The following PREX1 variants were observed in gnomAD, a reference collection of about 807,000 sequenced individuals.
The protein encoded by PREX1 is phosphatidylinositol-3,4,5-trisphosphate dependent Rac exchange factor 1, also known as phosphatidylinositol 3,4,5-trisphosphate-dependent Rac exchanger 1 protein.
In PREX1, 41 loss-of-function variants were observed where a neutral mutation model predicts 198.3. The ratio of observed to expected loss-of-function variants is 0.21; its 90% CI spans 0.16 to 0.27. The LOEUF (loss-of-function observed/expected upper bound fraction) is 0.27. PREX1 is among the 10% of genes least tolerant of loss of function. The pLI, the probability that PREX1 is intolerant of heterozygous loss-of-function variation, is 1.00. For missense variants in PREX1, 1,620 were observed against 2,200.7 expected, an observed-to-expected ratio of 0.74 and a Z score of 5.28; for synonymous variants, 843 against 887.2, an observed-to-expected ratio of 0.95 and a Z score of 0.89.
chr20:48,879,723 T>C, the PREX1 span, among the ~76,000 whole-genome samples: 1 of 152,238 alleles, frequency 6.6e-6, no homozygotes, highest in Non-Finnish European at 1.5e-5. Context: ...TTGATAACTA[T>C]GTAACCTCTT....
chr20:48,800,403 T>C (rs2090381237), intron 1 of PREX1, among the ~76,000 whole-genome samples: 1 of 152,160 alleles, frequency 6.6e-6, no homozygotes, highest in Non-Finnish European at 1.5e-5. Flanking sequence ...ACTGGGGCAG[T>C]TGGTCACTCT....
At chr20:48,828,195 C>G (rs1486289318), upstream of PREX1, among the ~76,000 whole-genome samples, 4 of 151,094 alleles carry the variant, frequency 2.6e-5, no homozygotes, top group Non-Finnish European at 5.9e-5. Flanking sequence ...CGGCGCGGCG[C>G]TCGGCGCCTC....
chr20:48,813,951 T>C (rs2090448060), intron 1 of PREX1, among the ~76,000 whole-genome samples: 1 of 152,106 alleles, frequency 6.6e-6, no homozygotes, highest in Non-Finnish European at 1.5e-5. Context: ...CAAGGGGAAA[T>C]AAATCTTTAA....
chr20:48,640,696 C>G (rs1391981039), intron 29 of PREX1, among the ~76,000 whole-genome samples: 1 of 152,060 alleles, frequency 6.6e-6, no homozygotes, highest in Non-Finnish European at 1.5e-5. Context: ...CAGTACAAGG[C>G]CTGGCACAAG....
At chr20:48,780,118 T>C (rs2090281609) in intron 1 of PREX1, among the ~76,000 whole-genome samples, 1 of 152,218 alleles carries the variant, frequency 6.6e-6, no homozygotes, top group Non-Finnish European at 1.5e-5. Flanking sequence ...TAAATATAGA[T>C]TGTGTAAGTG....
At chr20:48,652,772 A>T in intron 20 of PREX1, 66 bp from the exon 21 acceptor site, 1 of 1,526,632 alleles carries the variant, frequency 6.6e-7, no homozygotes, top group Non-Finnish European at 8.9e-7. Flanking sequence ...GACAGGGCCG[A>T]GGTGTGAACT....
At chr20:48,780,213 C>G (rs763293061) in intron 1 of PREX1, among the ~76,000 whole-genome samples, 5 of 152,148 alleles carry the variant, frequency 3.3e-5, no homozygotes, top group Non-Finnish European at 5.9e-5. Context: ...ATACCATTCT[C>G]CAATTAAAAG....
chr20:48,821,658 A>T (rs751483628), intron 1 of PREX1: 2 of 152,144 alleles, frequency 1.3e-5, no homozygotes, highest in Non-Finnish European at 1.5e-5. Flanking sequence ...CTCTTGCAAA[A>T]CCTTTAAGGG....
intron 15 of PREX1, among the ~76,000 whole-genome samples, chr20:48,660,497 G>C (rs576802369): frequency 6.9e-4 from 105 of 152,208 alleles, no homozygotes; most frequent in Non-Finnish European, 1.1e-3. Context: ...GAAAAAAATT[G>C]AATCCCTACC....
chr20:48,655,348 G>C lies in PREX1; in HGVS notation c.2151C>G (p.Asp717Glu). 1 of 1,594,534 alleles carries C rather than the reference G, an allele frequency of 6.3e-7. No homozygotes were observed. Among genetic ancestry groups the C allele is most frequent in the Non-Finnish European group, 8.6e-7 (1 of 1,168,814 alleles). ...CTCCACGAATCTGGAAGCACAGTGTGTCCGGCTGGTCGGGGATTTTGATGA... is the reference window on the plus strand; with the variant it reads ...CTCCACGAATCTGGAAGCACAGTGTCTCCGGCTGGTCGGGGATTTTGATGA... ...KEIIKIPDQP[D>E]TLCFQIRGAA... Residue 717 changes from aspartate to glutamate, a missense_variant, in exon 19 of 40, where the codon GAC becomes GAG. Physicochemically the swap from Asp to Glu is conservative, Grantham distance 45 (BLOSUM62 2). This residue lies in a region of PREX1 where 514 missense variants were observed against 611.6 expected (regional missense o/e 0.84). Coordinates refer to ENST00000371941, the MANE Select transcript of PREX1 (RefSeq NM_020820.4).
intron 1 of PREX1, among the ~76,000 whole-genome samples, chr20:48,774,965 C>T (rs1056006493): frequency 6.6e-6 from 1 of 152,222 alleles, no homozygotes; most frequent in South Asian, 2.1e-4. Flanking sequence ...GGCCACTACC[C>T]TCCGAAAAGA....
At chr20:48,642,988 GCA>G (rs2089425448) in intron 27 of PREX1, among the ~76,000 whole-genome samples, 1 of 152,158 alleles carries the variant, frequency 6.6e-6, no homozygotes. Context: ...AAATTTTTAT[GCA>G]CAGACTATCT....
intron 9 of PREX1, 100 bp downstream of exon 9, chr20:48,690,847 G>A: frequency 6.5e-7 from 1 of 1,527,216 alleles, no homozygotes; most frequent in Non-Finnish European, 8.9e-7. Context: ...TGATCCTCCT[G>A]AAAAGGACCC....
chr20:48,761,098 G>C (rs1234810424), intron 1 of PREX1, among the ~76,000 whole-genome samples: 1 of 152,232 alleles, frequency 6.6e-6, no homozygotes, highest in Non-Finnish European at 1.5e-5. Context: ...AAGCCGTTCT[G>C]AGAAGATGGC....
chr20:48,792,232 T>A (rs1018957595), intron 1 of PREX1, among the ~76,000 whole-genome samples: 1 of 152,104 alleles, frequency 6.6e-6, no homozygotes, highest in African/African-American at 2.4e-5. Flanking sequence ...TCCCAGCACT[T>A]TGGGAGGCCA....
rs1444738012 is a variant in PREX1, at chr20:48,746,680, G to A, written c.291+1129C>T. 4.6e-5 allele frequency among the ~76,000 whole-genome samples: 7 copies of A among 152,050 alleles called. No homozygotes were observed. The East Asian group carries it at 1.4e-3, about 29-fold the overall frequency. ...CCTTCATTTGGTTTCATGGTACACT[G>A]GTGCATTCGTACGTAGACACGCACT... On this transcript the variant is annotated intron_variant, in intron 2 of 39. Transcript: ENST00000371941.
At chr20:48,746,515 C>T (rs1377491833) in intron 2 of PREX1, among the ~76,000 whole-genome samples, 2 of 152,098 alleles carry the variant, frequency 1.3e-5, no homozygotes, top group East Asian at 1.9e-4. Context: ...GGCAGGGACA[C>T]GAAAGAGCTC....
chr20:48,826,315 C>T (rs138860451), intron 1 of PREX1, among the ~76,000 whole-genome samples: 27 of 152,278 alleles, frequency 1.8e-4, no homozygotes, highest in African/African-American at 6.3e-4. Context: ...TCCTAACTTC[C>T]ATCCAAGGCT....
At chr20:48,840,009 A>ATTTT in the PREX1 span, among the ~76,000 whole-genome samples, 1 of 152,006 alleles carries the variant, frequency 6.6e-6, no homozygotes, top group East Asian at 1.9e-4. Context: ...AATTGCAATT[A>ATTTT]TTTTTGTTTG....
Sources: gnomAD v4.1 joint callset for allele counts (sites outside exome capture counted in the v4.1 genomes callset) on GRCh38, gnomAD v4.1.1 for gene constraint, gnomAD v4.1.1 regional missense constraint, MANE v1.5 for transcripts, NCBI Gene and HGNC (gene_info 2026-07-23, HGNC 2026-07-21) for gene names.